The following NLRP2 variants were observed in gnomAD, a reference collection of about 807,000 sequenced individuals.
NLRP2 encodes the protein NLR family pyrin domain containing 2, also known as NACHT, LRR and PYD domains-containing protein 2.
A neutral mutation model predicts 97.2 loss-of-function variants in NLRP2; 107 were observed. The ratio of observed to expected loss-of-function variants is 1.10; its 90% CI spans 0.94 to 1.29. The LOEUF is 1.29. Ranked by LOEUF, NLRP2 falls within the 50% of genes most tolerant of loss-of-function variation. The pLI is 0.00. For synonymous variants in NLRP2, 663 were observed against 551.5 expected, an observed-to-expected ratio of 1.20 and a Z score of -2.83; for missense variants, 1,495 against 1,330.3, an observed-to-expected ratio of 1.12 and a Z score of -1.93.
intron 4 of NLRP2, among the ~76,000 whole-genome samples, chr19:54,979,713 C>G (rs1421499491): frequency 6.6e-6 from 1 of 152,032 alleles, no homozygotes; most frequent in African/African-American, 2.4e-5. Flanking sequence ...AGGTGAGTAA[C>G]TTGGTTGAAG....
At position 54,998,629 on chromosome 19, in the gene NLRP2, T is replaced by C. The variant is rs866370856; in HGVS notation, c.3050+1142T>C. Among the ~76,000 whole-genome samples, 400 of 84,614 alleles carry C rather than the reference T, an allele frequency of 4.7e-3. 3 individuals carry two copies. The highest frequency in any genetic ancestry group is 7.3e-3 in the Non-Finnish European group (301 of 40,982). The allele number at this position is 84,614 out of a possible 152,430, so 55.5% of individuals were successfully genotyped here. A position where few individuals can be genotyped will look rare whatever the true frequency, so the allele number is the denominator to read the frequency against. On this transcript the variant is annotated intron_variant, in intron 12 of 12. Transcript: ENST00000448584. ...CTTTTTTCTTTTTTTTTTTTTTTTT[T>C]CCTTTTTTTTTTTTTTTTTTTTTAT...
At chr19:54,978,948 A>G (rs2071410361) in intron 4 of NLRP2, among the ~76,000 whole-genome samples, 1 of 151,836 alleles carries the variant, frequency 6.6e-6, no homozygotes. Flanking sequence ...TCTTTTGGGT[A>G]GGTGACTTGC....
intron 4 of NLRP2, 108 bp from the exon 5 acceptor site, chr19:54,981,509 G>GACCCCCCCC: frequency 5.2e-6 from 2 of 386,504 alleles, no homozygotes; most frequent in East Asian, 5.5e-5. Flanking sequence ...CTGATCCCGT[G>GACCCCCCCC]CCCCCCCTCC....
chr19:54,988,463 G>A (rs2072242413), intron 8 of NLRP2, among the ~76,000 whole-genome samples: 1 of 151,914 alleles, frequency 6.6e-6, no homozygotes, highest in African/African-American at 2.4e-5. Context: ...TGTATTTCTA[G>A]TATTTTGTAT....
intron 2 of NLRP2, among the ~76,000 whole-genome samples, chr19:54,972,967 T>C (rs2070961615): frequency 6.6e-6 from 1 of 151,902 alleles, no homozygotes; most frequent in African/African-American, 2.4e-5. Context: ...GGCGGGTGGA[T>C]CACTTGAGGC....
chr19:54,977,901 G>A (rs1313082021), intron 4 of NLRP2, 78 bp downstream of exon 4: 12 of 1,281,876 alleles, frequency 9.4e-6, no homozygotes, highest in Non-Finnish European at 1.4e-5. Context: ...TTCCTTTGAA[G>A]AACCCCATCT....
Position 54,990,064 on chromosome 19 carries a change from C to T in NLRP2, c.2409C>T (p.Leu803=). Residue 803 remains leucine, a synonymous_variant, in exon 9 of 13, where the codon CTC becomes CTT. Coordinates refer to ENST00000448584, the MANE Select transcript of NLRP2 (RefSeq NM_017852.5). ...CSATTQQWAD[L]SLALEVNQSL... is the part of the protein sequence containing the mutation. Reference sequence around the variant, plus strand: ...CTACCACTCAGCAGTGGGCTGATCTCTCCTTGGCCCTTGAAGTCAACCAGT... The same window carrying T: ...CTACCACTCAGCAGTGGGCTGATCTTTCCTTGGCCCTTGAAGTCAACCAGT... 1 of 1,614,068 alleles carries T rather than the reference C, an allele frequency of 6.2e-7. No individual in the cohort carries two copies. The highest frequency in any genetic ancestry group is 1.1e-5 in the South Asian group (1 of 91,078).
intron 2 of NLRP2, among the ~76,000 whole-genome samples, chr19:54,970,770 CT>C (rs34406686): frequency 0.16 from 16,895 of 108,348 alleles, 1,318 homozygotes; most frequent in Non-Finnish European, 0.22. Flanking sequence ...CTACCTACTT[CT>C]TTTTTTTTTT....
chr19:54,978,063 TG>T (rs2071358257), intron 4 of NLRP2, among the ~76,000 whole-genome samples: 1 of 151,962 alleles, frequency 6.6e-6, no homozygotes, highest in African/African-American at 2.4e-5. Context: ...AGAGAGTTTT[TG>T]TTTTTGTTTT....
Position 54,998,370 on chromosome 19 carries a change from G to A in NLRP2, c.3050+883G>A, listed in dbSNP as rs115163854. Among the ~76,000 whole-genome samples, 1,317 of 152,086 alleles carry A rather than the reference G, an allele frequency of 8.7e-3. 13 individuals are homozygous for A. Among genetic ancestry groups the A allele is most frequent in the African/African-American group, 0.031 (1,266 of 41,504 alleles). On this transcript the variant is annotated intron_variant, in intron 12 of 12. Transcript: ENST00000448584. ...AAAGAACCAAGAAGCCCCTTCCTAG[G>A]AATGTGGGAACTTCAGAAATTCTCA...
At chr19:54,985,908 A>G (rs2072042015) in intron 7 of NLRP2, among the ~76,000 whole-genome samples, 1 of 151,978 alleles carries the variant, frequency 6.6e-6, no homozygotes, top group African/African-American at 2.4e-5. Flanking sequence ...TGAGGGTAGG[A>G]GTCGCTTGAA....
Position 54,982,586 on chromosome 19 carries a change from A to G in NLRP2, c.888A>G (p.Ala296=), listed in dbSNP as rs1301783236. 7 of 1,614,100 alleles carry G rather than the reference A, an allele frequency of 4.3e-6. No homozygotes were observed. The highest frequency in any genetic ancestry group is 5.9e-6 in the Non-Finnish European group (7 of 1,180,020). The part of the protein sequence containing the change: ...VIDGFDELGA[A]PGALIEDICG... ...ACGGCTTTGATGAGCTGGGAGCCGC[A>G]CCTGGGGCGCTGATCGAGGACATCT... Residue 296 remains alanine (A), a synonymous_variant, in exon 6 of 13, where the codon GCA becomes GCG. Transcript: ENST00000448584.
intron 4 of NLRP2, among the ~76,000 whole-genome samples, chr19:54,981,387 G>C (rs935633704): frequency 6.6e-6 from 1 of 151,756 alleles, no homozygotes; most frequent in Non-Finnish European, 1.5e-5. Flanking sequence ...GGCTGGTCTC[G>C]AACTCCTGAG....
intron 10 of NLRP2, 197 bp downstream of exon 10, chr19:54,990,869 T>C: frequency 1.6e-6 from 1 of 633,226 alleles, no homozygotes; most frequent in South Asian, 1.9e-5. Context: ...TAATATTCTA[T>C]AGGGATTTGG....
chr19:54,989,603 C>G (rs1314225154), intron 8 of NLRP2: 1 of 289,350 alleles, frequency 3.5e-6, no homozygotes, highest in South Asian at 3.8e-5. Context: ...CACCCTTTGA[C>G]AACTGCTGCT....
Position 54,983,668 on chromosome 19 carries a change from T to C in NLRP2, c.1970T>C (p.Val657Ala). 6.2e-7 allele frequency: 1 copy of C among 1,613,928 alleles called. No homozygotes were observed. Among genetic ancestry groups the C allele is most frequent in the Non-Finnish European group, 8.5e-7 (1 of 1,180,010 alleles). The change falls in exon 6 of 13, where the codon GTA (valine) becomes GCA (alanine). Residue 657 changes from valine to alanine, a missense_variant. Physicochemically the swap from Val to Ala is moderately conservative, Grantham distance 64. Transcript: ENST00000448584. ...AACCTGCAGAAAATGTCACTGCAGG[T>C]AATAAAGGAGAATCTCCCGGAGAAT... Reference protein sequence around the residue: ...CRNLQKMSLQVIKENLPENVT... With the variant: ...CRNLQKMSLQAIKENLPENVT...
intron 8 of NLRP2, among the ~76,000 whole-genome samples, chr19:54,989,306 A>C (rs1262830911): frequency 1.3e-5 from 2 of 151,732 alleles, no homozygotes; most frequent in Non-Finnish European, 2.9e-5. Flanking sequence ...CCCCATCTCT[A>C]CTAAAAAATA....
Position 54,983,588 on chromosome 19 carries a change from G to T in NLRP2, c.1890G>T (p.Leu630=). The T allele has an allele frequency of 6.2e-7, 1 of 1,614,124 alleles. No individual in the cohort carries two copies. Among genetic ancestry groups the T allele is most frequent in the African/African-American group, 1.3e-5 (1 of 75,050 alleles). The part of the protein sequence containing the change: ...EVMAQFKEIS[L]HLNAVDVVPS... ...TGGCTCAGTTCAAAGAAATATCCCT[G>T]CACTTAAATGCAGTAGACGTTGTGC... Residue 630 remains leucine (L), a synonymous_variant, in exon 6 of 13, where the codon CTG becomes CTT. Transcript: ENST00000448584.
At chr19:54,975,109 T>G (rs930654150) in intron 3 of NLRP2, among the ~76,000 whole-genome samples, 4 of 9,900 alleles carry the variant, frequency 4.0e-4, no homozygotes, top group East Asian at 3.4e-3. Context: ...CGGTTTTGTT[T>G]TTTTTTTTTT....
Sources: gnomAD v4.1 joint callset for allele counts (sites outside exome capture counted in the v4.1 genomes callset) on GRCh38, gnomAD v4.1.1 for gene constraint, MANE v1.5 for transcripts, NCBI Gene and HGNC (gene_info 2026-07-23, HGNC 2026-07-21) for gene names.